Variants in WNT4 observed in about 807,000 individuals in gnomAD.
WNT4 encodes the protein Wnt family member 4.
A neutral mutation model predicts 34.5 loss-of-function variants in WNT4; 16 were observed. The observed-to-expected ratio is 0.46, with a 90% CI of 0.31 to 0.70. The LOEUF is 0.70. Among genes scored for constraint, WNT4 ranks in the 30% least tolerant of loss-of-function variants. The pLI is 0.04. For missense variants in WNT4, 379 were observed against 495.9 expected, an observed-to-expected ratio of 0.76 and a Z score of 2.24; for synonymous variants, 200 against 211.9, an observed-to-expected ratio of 0.94 and a Z score of 0.49.
chr1:22,141,218 T>C (rs541898591), intron 1 of WNT4, among the ~76,000 whole-genome samples: 2 of 152,382 alleles, frequency 1.3e-5, no homozygotes, highest in South Asian at 4.1e-4. Context: ...TGTCGCTGTC[T>C]TCCATGTAGG....
chr1:22,140,132 C>T lies in WNT4; in HGVS notation c.77+2714G>A. On this transcript the variant is annotated intron_variant, in intron 1 of 4. Transcript: ENST00000290167. This position sits in a 1 kb window ranked among gnomAD's most constrained non-coding sequence, Gnocchi z 5.9. ...CCAGGGTATTGGGAGGCGAGCGGAA[C>T]CTAGACCTTGCTCCTTGGCAGGTGC... 1.0e-6 allele frequency: 1 copy of T among 974,768 alleles called. No homozygotes were observed. Among genetic ancestry groups the T allele is most frequent in the Non-Finnish European group, 1.2e-6 (1 of 820,208 alleles). 60.4% of individuals were successfully genotyped at this position (974,768 alleles called of 1,614,324 possible).
chr1:22,130,058 G>A (rs1357714447), intron 1 of WNT4, among the ~76,000 whole-genome samples: 1 of 152,184 alleles, frequency 6.6e-6, no homozygotes, highest in South Asian at 2.1e-4. Flanking sequence ...TCTGCAAAAA[G>A]CCTCTATCTC....
At chr1:22,121,052 C>A (rs116992243) in intron 4 of WNT4, among the ~76,000 whole-genome samples, 159 bp downstream of exon 4, 2 of 152,150 alleles carry the variant, frequency 1.3e-5, no homozygotes, top group Non-Finnish European at 2.9e-5. Flanking sequence ...GTCTGTACCC[C>A]CCTCTGGCCT....
chr1:22,135,695 C>T (rs1646016586), intron 1 of WNT4, among the ~76,000 whole-genome samples: 1 of 152,178 alleles, frequency 6.6e-6, no homozygotes, highest in Non-Finnish European at 1.5e-5. Flanking sequence ...CCTGGAGGGG[C>T]AGGCTTTGGA....
chr1:22,140,143 C>T lies in WNT4; in HGVS notation c.77+2703G>A. ...GGAGGCGAGCGGAACCTAGACCTTG[C>T]TCCTTGGCAGGTGCTGTCAGCTATC... On this transcript the variant is annotated intron_variant, in intron 1 of 4. Coordinates refer to ENST00000290167, the MANE Select transcript of WNT4 (RefSeq NM_030761.5). This position sits in a 1 kb window ranked among gnomAD's most constrained non-coding sequence, Gnocchi z 5.9. 1 of 981,590 alleles carries T rather than the reference C, an allele frequency of 1.0e-6. No homozygotes were observed. 60.8% of individuals were successfully genotyped at this position (981,590 alleles called of 1,614,324 possible).
intron 2 of WNT4, 50 bp downstream of exon 2, chr1:22,129,566 A>T (rs760195938): frequency 2.8e-5 from 44 of 1,578,302 alleles, no homozygotes; most frequent in Non-Finnish European, 3.6e-5. Flanking sequence ...TGCTGGGCCC[A>T]TGCCCTGGCA....
intron 2 of WNT4, 117 bp downstream of exon 2, chr1:22,129,499 G>C: frequency 2.4e-6 from 3 of 1,255,670 alleles, no homozygotes; most frequent in Non-Finnish European, 3.4e-6. Context: ...GTCCTGTGCT[G>C]GTTTTGCTTC....
rs1646051079 is a variant in WNT4, at chr1:22,139,754, G to A, written c.77+3092C>T. Among the ~76,000 whole-genome samples, 1 of 152,208 alleles carries A rather than the reference G, an allele frequency of 6.6e-6. No individual in the cohort carries two copies. The highest frequency in any genetic ancestry group is 1.5e-5 in the Non-Finnish European group (1 of 68,040). On this transcript the variant is annotated intron_variant, in intron 1 of 4. Coordinates refer to ENST00000290167, the MANE Select transcript of WNT4 (RefSeq NM_030761.5). The surrounding 1 kb of genome is among the most constrained non-coding windows in gnomAD (Gnocchi z 4.6). ...ACTCCCGGTACAGCCTCAGTGCAGGGAAGAGGGGACATTAGAAACATTTCT... is the reference window on the plus strand; with the variant it reads ...ACTCCCGGTACAGCCTCAGTGCAGGAAAGAGGGGACATTAGAAACATTTCT...
intron 2 of WNT4, among the ~76,000 whole-genome samples, chr1:22,125,179 C>T (rs534575115): frequency 9.2e-5 from 14 of 152,288 alleles, no homozygotes; most frequent in East Asian, 3.9e-4. Flanking sequence ...AATGCCACCC[C>T]GGCAGGCCAG....
At position 22,141,005 on chromosome 1, in the gene WNT4, G is replaced by A. The variant is rs1413286141; in HGVS notation, c.77+1841C>T. Among the ~76,000 whole-genome samples, 3 of 152,256 alleles carry A rather than the reference G, an allele frequency of 2.0e-5. No individual in the cohort carries two copies. The East Asian group carries it at 5.8e-4, about 29-fold the overall frequency. On this transcript the variant is annotated intron_variant, in intron 1 of 4. Transcript: ENST00000290167. ...GATTCTGGGGGTGGACATGGGTGAA[G>A]GTGAGTGGTGATGCCACCGGGCCAT...
At chr1:22,127,492 A>G in intron 2 of WNT4, 2 of 531,746 alleles carry the variant, frequency 3.8e-6, no homozygotes, top group Non-Finnish European at 7.7e-6. Flanking sequence ...CTGCCAAGAA[A>G]CAGGTCAATG....
chr1:22,140,289 A>G lies in WNT4; in HGVS notation c.77+2557T>C, dbSNP rs1215673544. On this transcript the variant is annotated intron_variant, in intron 1 of 4. Transcript: ENST00000290167. The surrounding 1 kb of genome is among the most constrained non-coding windows in gnomAD (Gnocchi z 5.9). ...TCTAGAGGCAGCTTTTCAGTCGGAC[A>G]CCTCTGGCATTTACCAGCTGGGTGA... 6 of 985,226 alleles carry G rather than the reference A, an allele frequency of 6.1e-6. No individual in the cohort carries two copies. Among genetic ancestry groups the G allele is most frequent in the Non-Finnish European group, 7.2e-6 (6 of 829,884 alleles). 61.0% of individuals were successfully genotyped at this position (985,226 alleles called of 1,614,324 possible). A position where few individuals can be genotyped will look rare whatever the true frequency, so the allele number is the denominator to read the frequency against.
At chr1:22,133,261 A>G (rs4655025) in intron 1 of WNT4, among the ~76,000 whole-genome samples, 80,024 of 151,764 alleles carry the variant, frequency 0.53, 21,643 homozygotes, top group Middle Eastern at 0.58. Context: ...CTCTGTCCTG[A>G]CGGGGTTCCC....
chr1:22,138,404 C>CG (rs1266216675), intron 1 of WNT4, among the ~76,000 whole-genome samples: 1 of 151,916 alleles, frequency 6.6e-6, no homozygotes, highest in Non-Finnish European at 1.5e-5. Flanking sequence ...ATGATTTTGC[C>CG]CGCCCCCCAG....
rs1043399584 is a variant in WNT4 at position 22,134,936 on chromosome 1, C to T, written c.78-5085G>A. On this transcript the variant is annotated intron_variant, in intron 1 of 4. Transcript: ENST00000290167. The surrounding 1 kb of genome is among the most constrained non-coding windows in gnomAD (Gnocchi z 4.1). ...GATCATGCCTGAGAGGTGGGACACG[C>T]TCCCCCGGGGTACAGTGGATGACCT... 6.6e-6 allele frequency among the ~76,000 whole-genome samples: 1 copy of T among 152,198 alleles called. No homozygotes were observed. The highest frequency in any genetic ancestry group is 1.5e-5 in the Non-Finnish European group (1 of 68,022).
intron 2 of WNT4, among the ~76,000 whole-genome samples, chr1:22,123,857 A>T (rs1400199417): frequency 6.6e-6 from 1 of 152,220 alleles, no homozygotes; most frequent in African/African-American, 2.4e-5. Context: ...CTGTAGGACA[A>T]GCCCAATTCC....
chr1:22,140,048 C>T lies in WNT4; in HGVS notation c.77+2798G>A, dbSNP rs1646053987. The T allele has an allele frequency of 2.2e-6, 1 of 446,310 alleles. No individual in the cohort carries two copies. 27.6% of individuals were successfully genotyped at this position (446,310 alleles called of 1,614,324 possible). ...TGGCCTCCCCACCAGGCCACCTGCC[C>T]TTCTGAGACAACAGATAGTCCTGGC... is the stretch of plus-strand genomic sequence containing the variant. On this transcript the variant is annotated intron_variant, in intron 1 of 4. Transcript: ENST00000290167. This position sits in a 1 kb window ranked among gnomAD's most constrained non-coding sequence, Gnocchi z 5.9.
At chr1:22,125,937 T>C (rs973821787) in intron 2 of WNT4, among the ~76,000 whole-genome samples, 1 of 152,236 alleles carries the variant, frequency 6.6e-6, no homozygotes, top group African/African-American at 2.4e-5. Context: ...CAGTTACCTA[T>C]TATGTGCAGG....
Position 22,120,133 on chromosome 1 carries a change from G to A in WNT4, c.973C>T (p.Arg325Cys), listed in dbSNP as rs924902688. 1.9e-6 allele frequency: 3 copies of A among 1,613,350 alleles called. No individual in the cohort carries two copies. The highest frequency in any genetic ancestry group is 1.7e-6 in the Non-Finnish European group (2 of 1,179,864). ...CACCAGTGGAATTTGCAGCTGCAGC[G>A]TTCAGCCAGCTCCACCTGCGCCGTG... The part of the protein sequence containing the change: ...FHTAQVELAE[R>C]CSCKFHWCCF... Residue 325 changes from arginine to cysteine, a missense_variant, in exon 5 of 5, where the codon CGC becomes TGC. By Grantham distance (180) the Arg-to-Cys change is radical (BLOSUM62 -3). Transcript: ENST00000290167.
Sources: gnomAD v4.1 joint callset for allele counts (sites outside exome capture counted in the v4.1 genomes callset) on GRCh38, gnomAD v4.1.1 for gene constraint, Gnocchi (gnomAD v3.1) non-coding constraint, MANE v1.5 for transcripts, NCBI Gene and HGNC (gene_info 2026-07-23, HGNC 2026-07-21) for gene names.